Variants in FRMD4A observed in about 807,000 individuals in gnomAD.
FRMD4A encodes the protein FERM domain containing 4A.
In FRMD4A, 29 loss-of-function variants were observed where a neutral mutation model predicts 129.1. That is an observed-to-expected ratio of 0.22 (90% CI 0.17 to 0.31). FRMD4A has a LOEUF of 0.31. Ranked by LOEUF, FRMD4A falls within the 10% of genes least tolerant of loss-of-function variation. The probability of loss-of-function intolerance (pLI) is 1.00; values close to 1 mark genes in which losing one functional copy is unlikely to be tolerated. For missense variants in FRMD4A, 1,272 were observed against 1,375.8 expected, an observed-to-expected ratio of 0.92 and a Z score of 1.19; for synonymous variants, 634 against 571.6, an observed-to-expected ratio of 1.11 and a Z score of -1.56.
chr10:14,019,371 G>C (rs530489942), intron 2 of FRMD4A, among the ~76,000 whole-genome samples: 2 of 152,280 alleles, frequency 1.3e-5, no homozygotes, highest in East Asian at 3.9e-4. Flanking sequence ...TCAACTCCAG[G>C]AAAAACATAA....
intron 15 of FRMD4A, among the ~76,000 whole-genome samples, chr10:13,690,409 C>T (rs1056542385): frequency 1.3e-5 from 2 of 152,184 alleles, no homozygotes; most frequent in African/African-American, 4.8e-5. Context: ...CAGCCGTCAG[C>T]CATCCCAGCG....
chr10:13,862,564 T>G (rs1302431833), intron 2 of FRMD4A, among the ~76,000 whole-genome samples: 1 of 152,184 alleles, frequency 6.6e-6, no homozygotes, highest in African/African-American at 2.4e-5. Context: ...CAACAGTAAT[T>G]CCTAGGAAAT....
At chr10:13,910,346 A>G (rs1055806922) in intron 2 of FRMD4A, among the ~76,000 whole-genome samples, 6 of 152,198 alleles carry the variant, frequency 3.9e-5, no homozygotes, top group African/African-American at 1.4e-4. Flanking sequence ...ATCTCAGCCC[A>G]GGCCTCAGAG....
At chr10:14,301,067 G>C (rs1846169297) in intron 2 of FRMD4A, among the ~76,000 whole-genome samples, 1 of 152,150 alleles carries the variant, frequency 6.6e-6, no homozygotes, top group South Asian at 2.1e-4. Flanking sequence ...GTGTGACCAA[G>C]TCCCCTGTAA....
At chr10:14,088,887 C>A (rs74973956) in intron 2 of FRMD4A, among the ~76,000 whole-genome samples, 210 of 152,054 alleles carry the variant, frequency 1.4e-3, no homozygotes, top group Non-Finnish European at 1.3e-3. Context: ...GAGGCAGTCA[C>A]GGTCGGGGCT....
At chr10:13,683,712 G>GTTTTTTT in intron 15 of FRMD4A, among the ~76,000 whole-genome samples, 1 of 147,812 alleles carries the variant, frequency 6.8e-6, no homozygotes, top group Non-Finnish European at 1.5e-5. Context: ...GTCACATCCA[G>GTTTTTTT]TTTTTTTTTT....
chr10:14,020,194 G>A (rs1389755155), intron 2 of FRMD4A, among the ~76,000 whole-genome samples: 1 of 152,152 alleles, frequency 6.6e-6, no homozygotes, highest in African/African-American at 2.4e-5. Flanking sequence ...TTGTGCACGC[G>A]AACATGTGTG....
intron 2 of FRMD4A, among the ~76,000 whole-genome samples, chr10:14,258,176 T>C (rs1844680835): frequency 6.6e-6 from 1 of 151,824 alleles, no homozygotes; most frequent in Non-Finnish European, 1.5e-5. Flanking sequence ...AAATACATTT[T>C]ACTTCAAAAA....
Position 13,646,982 on chromosome 10 carries a change from TC to T in FRMD4A, c.*55del. 1.0e-6 allele frequency: 1 copy of T among 984,674 alleles called. No homozygotes were observed. Among genetic ancestry groups the T allele is most frequent in the African/African-American group, 1.7e-5 (1 of 57,310 alleles). 61.0% of individuals were successfully genotyped at this position (984,674 alleles called of 1,614,324 possible). On this transcript the variant is annotated 3_prime_UTR_variant, in exon 25 of 25. Transcript: ENST00000357447. Reference sequence around the variant, plus strand: ...TTTTTCCTGCCCGTACCACTGGACATCAGCTAGTTCTGGATAGAGGGAGGAA... The same window carrying T: ...TTTTTCCTGCCCGTACCACTGGACATAGCTAGTTCTGGATAGAGGGAGGAA...
rs1214381594 is a variant in FRMD4A, at chr10:14,046,724, G to T, written c.46-187812C>A. The stretch of plus-strand genomic sequence containing the variant: ...ACGTGATGGTGCTCACGGCTGTAAT[G>T]CTTTGATGGACAGGGATTTAGTGTT... On this transcript the variant is annotated intron_variant, in intron 2 of 24. Coordinates refer to ENST00000357447, the MANE Select transcript of FRMD4A (RefSeq NM_018027.5). Among the ~76,000 whole-genome samples the T allele has an allele frequency of 3.3e-5, 5 of 152,160 alleles. No homozygotes were observed. The East Asian group carries it at 9.6e-4, about 29-fold the overall frequency.
rs535001191 is a variant in FRMD4A, at chr10:14,013,319, G to C, written c.46-154407C>G. Reference sequence around the variant, plus strand: ...GTTTGAGGGCTCCAGGCAATAGATGGCAACTATTCCCACCCTCTCCCACAC... The same window carrying C: ...GTTTGAGGGCTCCAGGCAATAGATGCCAACTATTCCCACCCTCTCCCACAC... On this transcript the variant is annotated intron_variant, in intron 2 of 24. Transcript: ENST00000357447. Among the ~76,000 whole-genome samples the C allele has an allele frequency of 1.4e-4, 22 of 152,216 alleles. No homozygotes were observed. In the South Asian group the frequency reaches 4.2e-3, roughly 29 times the overall value.
intron 2 of FRMD4A, among the ~76,000 whole-genome samples, chr10:14,226,735 A>C (rs1843450012): frequency 6.6e-6 from 1 of 152,030 alleles, no homozygotes; most frequent in South Asian, 2.1e-4. Flanking sequence ...TCGTCACCTC[A>C]TCAAATCCAT....
intron 15 of FRMD4A, among the ~76,000 whole-genome samples, chr10:13,682,147 A>G (rs2084655555): frequency 6.6e-6 from 1 of 152,090 alleles, no homozygotes; most frequent in Non-Finnish European, 1.5e-5. Context: ...TTCCTTCAGC[A>G]GAGGGTGTTG....
chr10:14,127,999 T>TTCCTTCCTTC (rs1200358451), intron 2 of FRMD4A, among the ~76,000 whole-genome samples: 1 of 101,050 alleles, frequency 9.9e-6, no homozygotes, highest in African/African-American at 4.6e-5. Context: ...TCTCTCTCTC[T>TTCCTTCCTTC]CTTTCTTTCT....
chr10:14,096,180 A>G (rs993983846), intron 2 of FRMD4A, among the ~76,000 whole-genome samples: 1 of 152,154 alleles, frequency 6.6e-6, no homozygotes, highest in Non-Finnish European at 1.5e-5. Flanking sequence ...CACGAATGGG[A>G]TTAGTGTCCT....
At chr10:14,265,988 G>A (rs1844964453) in intron 2 of FRMD4A, among the ~76,000 whole-genome samples, 1 of 152,184 alleles carries the variant, frequency 6.6e-6, no homozygotes, top group Non-Finnish European at 1.5e-5. Context: ...TGATCAAGGT[G>A]TCAATTGGGC....
At chr10:14,204,076 G>T (rs1017320742) in intron 2 of FRMD4A, among the ~76,000 whole-genome samples, 4 of 152,102 alleles carry the variant, frequency 2.6e-5, no homozygotes, top group African/African-American at 9.7e-5. Flanking sequence ...ATTTAATCAG[G>T]TGCCTGTTGC....
intron 2 of FRMD4A, among the ~76,000 whole-genome samples, chr10:14,148,212 T>C (rs1840172313): frequency 6.6e-6 from 1 of 152,210 alleles, no homozygotes; most frequent in Non-Finnish European, 1.5e-5. Context: ...AGAGGTAGTC[T>C]GATGTTGAAA....
At chr10:13,971,188 G>A (rs530750679) in intron 2 of FRMD4A, among the ~76,000 whole-genome samples, 3 of 152,076 alleles carry the variant, frequency 2.0e-5, no homozygotes, top group Non-Finnish European at 2.9e-5. Flanking sequence ...GCACACGCAC[G>A]CACACATGCA....
Sources: allele counts gnomAD v4.1 joint callset (sites outside exome capture counted in the v4.1 genomes callset), GRCh38; gene constraint gnomAD v4.1.1; transcripts MANE v1.5; gene names NCBI Gene and HGNC (gene_info 2026-07-23, HGNC 2026-07-21).